Variants in WDFY2 observed in about 807,000 individuals in gnomAD.
The protein encoded by WDFY2 is WD repeat and FYVE domain-containing protein 2.
A neutral mutation model predicts 56.4 loss-of-function variants in WDFY2; 36 were observed. That is an observed-to-expected ratio of 0.64 (90% CI 0.49 to 0.84). WDFY2 has a LOEUF of 0.84. Ranked by LOEUF, WDFY2 falls within the 40% of genes least tolerant of loss-of-function variation. The probability of loss-of-function intolerance (pLI) is 0.00; values close to 1 mark genes in which losing one functional copy is unlikely to be tolerated. For missense variants in WDFY2, 444 were observed against 512.2 expected (o/e 0.87, Z 1.29); for synonymous variants, 176 against 183.7 (o/e 0.96, Z 0.34).
intron 11 of WDFY2, 73 bp downstream of exon 11, chr13:51,758,373 G>A: frequency 8.7e-7 from 1 of 1,149,410 alleles, no homozygotes; most frequent in East Asian, 2.5e-5. Flanking sequence ...CAAGAACATG[G>A]GAGGCACTGT....
chr13:51,628,581 C>G (rs913572532), intron 1 of WDFY2, among the ~76,000 whole-genome samples: 3 of 152,178 alleles, frequency 2.0e-5, no homozygotes, highest in Admixed American at 2.0e-4. Flanking sequence ...CTTGCTCCCA[C>G]TGGCCTCACA....
At chr13:51,602,252 T>C (rs180988067) in intron 1 of WDFY2, among the ~76,000 whole-genome samples, 132 of 152,346 alleles carry the variant, frequency 8.7e-4, no homozygotes, top group African/African-American at 3.1e-3. Context: ...CTAGTGACAT[T>C]GTAGCCATCT....
intron 1 of WDFY2, chr13:51,592,420 C>T (rs1954065490): frequency 2.0e-5 from 3 of 151,630 alleles, no homozygotes. Context: ...ACTAAAAATA[C>T]AAAAATTAGC....
Position 51,652,824 on chromosome 13 carries a change from G to C in WDFY2, c.138-7772G>C, listed in dbSNP as rs553830729. ...TGTGAGTAACCCGACCTTTCTCTCT[G>C]GCTGCCCTTAACATTTTTTCCTTCA... On this transcript the variant is annotated intron_variant, in intron 1 of 11. Transcript: ENST00000298125. 4.9e-3 allele frequency among the ~76,000 whole-genome samples: 750 copies of C among 152,236 alleles called. 5 individuals are homozygous for C. Among genetic ancestry groups the C allele is most frequent in the African/African-American group, 0.014 (590 of 41,534 alleles).
rs185716608 is a variant in WDFY2 at position 51,701,385 on chromosome 13, G to A, written c.280-2211G>A. Among the ~76,000 whole-genome samples the A allele has an allele frequency of 7.8e-3, 1,178 of 151,930 alleles. 19 individuals are homozygous for A. The highest frequency in any genetic ancestry group is 0.026 in the African/African-American group (1,096 of 41,420). ...AAAATACAAAAATTAGCCAGGCATGGTGGCATGTACCTGTAGTCTCAGCTA... is the reference window on the plus strand; with the variant it reads ...AAAATACAAAAATTAGCCAGGCATGATGGCATGTACCTGTAGTCTCAGCTA... On this transcript the variant is annotated intron_variant, in intron 3 of 11. Transcript: ENST00000298125.
intron 6 of WDFY2, among the ~76,000 whole-genome samples, chr13:51,728,237 A>T (rs1048733892): frequency 2.0e-5 from 3 of 152,224 alleles, no homozygotes; most frequent in African/African-American, 7.2e-5. Context: ...ACTCTTCATG[A>T]GTAGCTAGAC....
intron 3 of WDFY2, among the ~76,000 whole-genome samples, chr13:51,692,887 A>C (rs1008530368): frequency 3.3e-5 from 5 of 152,120 alleles, no homozygotes; most frequent in African/African-American, 7.3e-5. Context: ...TTATTGGTCT[A>C]TTCAGAGATT....
At chr13:51,699,717 A>C (rs945921425) in intron 3 of WDFY2, among the ~76,000 whole-genome samples, 14 of 152,344 alleles carry the variant, frequency 9.2e-5, no homozygotes, top group Admixed American at 9.1e-4. Flanking sequence ...AAGCTGTCAA[A>C]TGAAGATGGG....
intron 3 of WDFY2, among the ~76,000 whole-genome samples, chr13:51,685,741 T>G (rs566076471): frequency 1.3e-5 from 2 of 152,152 alleles, no homozygotes; most frequent in African/African-American, 2.4e-5. Context: ...AATCCATGGT[T>G]CAAGGGTCAA....
intron 4 of WDFY2, among the ~76,000 whole-genome samples, chr13:51,709,077 T>C (rs1952151299): frequency 6.6e-6 from 1 of 152,218 alleles, no homozygotes; most frequent in African/African-American, 2.4e-5. Flanking sequence ...TTCAATAATT[T>C]ATTGAAGATA....
chr13:51,743,067 T>A (rs1373630965), intron 7 of WDFY2, among the ~76,000 whole-genome samples: 1 of 152,184 alleles, frequency 6.6e-6, no homozygotes, highest in Non-Finnish European at 1.5e-5. Flanking sequence ...TGGACAAGGA[T>A]CAGTACAAAT....
rs1953562131 is a variant in WDFY2 at position 51,760,919 on chromosome 13, C to G, written c.*1150C>G. On this transcript the variant is annotated 3_prime_UTR_variant, in exon 12 of 12. Coordinates refer to ENST00000298125, the MANE Select transcript of WDFY2 (RefSeq NM_052950.4). ...TTCCTCACAGGCTATGGACCAGTAC[C>G]CATCTGCAGCCCAGGGTTGGGGACC... 1 of 152,230 alleles carries G rather than the reference C, an allele frequency of 6.6e-6. No individual in the cohort carries two copies. Among genetic ancestry groups the G allele is most frequent in the African/African-American group, 2.4e-5 (1 of 41,442 alleles). The allele number at this position is 152,230 out of a possible 1,614,324, so 9.4% of individuals were successfully genotyped here.
At chr13:51,618,466 T>G (rs1954663608) in intron 1 of WDFY2, among the ~76,000 whole-genome samples, 1 of 152,224 alleles carries the variant, frequency 6.6e-6, no homozygotes, top group Non-Finnish European at 1.5e-5. Context: ...ATTAATAAAA[T>G]TAGTTAATGA....
At chr13:51,595,405 G>T (rs1346133455) in intron 1 of WDFY2, among the ~76,000 whole-genome samples, 1 of 152,178 alleles carries the variant, frequency 6.6e-6, no homozygotes, top group Non-Finnish European at 1.5e-5. Flanking sequence ...TTGTCGGCAA[G>T]GTTTAAACAT....
chr13:51,646,687 G>T (rs1955269180), intron 1 of WDFY2, among the ~76,000 whole-genome samples: 2 of 152,228 alleles, frequency 1.3e-5, no homozygotes, highest in South Asian at 4.1e-4. Flanking sequence ...GGCAGTGGGG[G>T]AGAATTCCTA....
chr13:51,683,104 A>G (rs895625464), intron 3 of WDFY2, among the ~76,000 whole-genome samples: 1 of 152,192 alleles, frequency 6.6e-6, no homozygotes, highest in Non-Finnish European at 1.5e-5. Context: ...CAGAGTACTG[A>G]AGATGCTCTG....
chr13:51,593,285 A>G (rs1954085784), intron 1 of WDFY2, among the ~76,000 whole-genome samples: 1 of 152,216 alleles, frequency 6.6e-6, no homozygotes, highest in East Asian at 1.9e-4. Flanking sequence ...CTCTCAGGGT[A>G]CTGGTGATCT....
At chr13:51,693,564 C>A (rs946418270) in intron 3 of WDFY2, among the ~76,000 whole-genome samples, 40 of 152,092 alleles carry the variant, frequency 2.6e-4, no homozygotes, top group Admixed American at 1.2e-3. Context: ...GTTATAATTT[C>A]TGTTCTTTTA....
intron 7 of WDFY2, among the ~76,000 whole-genome samples, chr13:51,741,019 G>C (rs1287124809): frequency 1.3e-5 from 2 of 152,218 alleles, no homozygotes; most frequent in African/African-American, 4.8e-5. Context: ...ATGTGGTTCT[G>C]GGAAACTTAC....
Sources: allele counts gnomAD v4.1 joint callset (sites outside exome capture counted in the v4.1 genomes callset), GRCh38; gene constraint gnomAD v4.1.1; transcripts MANE v1.5; gene names NCBI Gene and HGNC (gene_info 2026-07-23, HGNC 2026-07-21).